Variants in TMEM230 observed in about 807,000 individuals in gnomAD.
TMEM230 encodes transmembrane protein 230.
A neutral mutation model predicts 15.8 loss-of-function variants in TMEM230; 10 were observed. The observed-to-expected ratio is 0.63, with a 90% CI of 0.39 to 1.07. The LOEUF (loss-of-function observed/expected upper bound fraction) is 1.07. TMEM230 is among the 50% of genes least tolerant of loss of function. The pLI is 0.01. For missense variants in TMEM230, 165 were observed against 193.3 expected (o/e 0.85, Z 0.87); for synonymous variants, 67 against 76.9 (o/e 0.87, Z 0.68).
the TMEM230 span, among the ~76,000 whole-genome samples, chr20:5,059,509 C>A: frequency 6.6e-6 from 1 of 152,138 alleles, no homozygotes; most frequent in Admixed American, 6.6e-5. Context: ...TCCCCAAAGC[C>A]CCTGTCTGTG....
In TMEM230 at chr20:5,087,224, C is replaced by T. The variant is rs192228788; in HGVS notation, c.223-17875G>A. ...GATGACAGGAAAACCCAAGACTGACCCTAGAAGACAGAGACACCATCACGG... is the reference window on the plus strand; with the variant it reads ...GATGACAGGAAAACCCAAGACTGACTCTAGAAGACAGAGACACCATCACGG... On this transcript the variant is annotated intron_variant, in intron 3 of 3. Transcript: ENST00000612323. Among the ~76,000 whole-genome samples, 283 of 152,202 alleles carry T rather than the reference C, an allele frequency of 1.9e-3. 2 individuals are homozygous for T. The highest frequency in any genetic ancestry group is 0.013 in the South Asian group (63 of 4,812).
Position 5,068,957 on chromosome 20 carries a change from G to A in TMEM230, c.*231C>T, listed in dbSNP as rs1324626695. On this transcript the variant is annotated 3_prime_UTR_variant, in exon 4 of 4. Transcript: ENST00000612323. Reference sequence around the variant, plus strand: ...GGTGGGGCCATGGGGAGTGGTCTGCGCCATTCTCACCATTCACAAGAGGAG... The same window carrying A: ...GGTGGGGCCATGGGGAGTGGTCTGCACCATTCTCACCATTCACAAGAGGAG... 44 of 484,108 alleles carry A rather than the reference G, an allele frequency of 9.1e-5. No individual in the cohort carries two copies. In the Admixed American group the frequency reaches 1.5e-3, roughly 16 times the overall value. 30.0% of individuals were successfully genotyped at this position (484,108 alleles called of 1,614,324 possible). A position where few individuals can be genotyped will look rare whatever the true frequency, so the allele number is the denominator to read the frequency against.
At chr20:5,085,935 A>ACCTCTCACAGGTGCT (rs2089323398) in intron 3 of TMEM230, among the ~76,000 whole-genome samples, 1 of 151,954 alleles carries the variant, frequency 6.6e-6, no homozygotes, top group African/African-American at 2.4e-5. Flanking sequence ...CTGCCGTGTC[A>ACCTCTCACAGGTGCT]CCTCTCACAG....
At chr20:5,109,284 T>C (rs1234830380) in intron 3 of TMEM230, 48 bp downstream of exon 2, 19 of 1,495,396 alleles carry the variant, frequency 1.3e-5, no homozygotes, top group Non-Finnish European at 1.8e-5. Flanking sequence ...CCTGCTAACT[T>C]AACAGAAACA....
intron 1 of TMEM230, 118 bp downstream of exon 1, chr20:5,112,843 G>C: frequency 6.5e-7 from 1 of 1,541,668 alleles, no homozygotes; most frequent in Middle Eastern, 1.7e-4. Context: ...TGTGCCAGGG[G>C]GGACGAATGC....
At chr20:5,075,650 G>A (rs933485691) in intron 3 of TMEM230, among the ~76,000 whole-genome samples, 8 of 151,980 alleles carry the variant, frequency 5.3e-5, no homozygotes, top group Admixed American at 1.3e-4. Context: ...TCTTGAACCC[G>A]TGAGGCAGAA....
chr20:5,096,089 C>T (rs1214277041), downstream of TMEM230, among the ~76,000 whole-genome samples: 3 of 152,236 alleles, frequency 2.0e-5, no homozygotes, highest in African/African-American at 7.2e-5. Flanking sequence ...GAGAGGAGCC[C>T]TGCCTGGGCT....
chr20:5,100,202 C>T lies in TMEM230; in HGVS notation c.*589G>A. On this transcript the variant is annotated 3_prime_UTR_variant, in exon 5 of 5. Transcript: ENST00000342308. ...GAACTGGATCAGAATGGTCCAAGGA[C>T]TGTTAAACAGAGGAAGTATTTACAT... is the stretch of plus-strand genomic sequence containing the variant. The T allele has an allele frequency of 1.0e-6, 1 of 985,466 alleles. No individual in the cohort carries two copies. The highest frequency in any genetic ancestry group is 1.2e-6 in the Non-Finnish European group (1 of 830,004). 61.0% of individuals were successfully genotyped at this position (985,466 alleles called of 1,614,324 possible).
Position 5,100,192 on chromosome 20 carries a change from G to A in TMEM230, c.*599C>T. On this transcript the variant is annotated 3_prime_UTR_variant, in exon 5 of 5. Transcript: ENST00000342308. ...ACCTACTGGTGAACTGGATCAGAAT[G>A]GTCCAAGGACTGTTAAACAGAGGAA... 1 of 985,376 alleles carries A rather than the reference G, an allele frequency of 1.0e-6. No homozygotes were observed. The allele number at this position is 985,376 out of a possible 1,614,324, so 61.0% of individuals were successfully genotyped here. A position where few individuals can be genotyped will look rare whatever the true frequency, so the allele number is the denominator to read the frequency against.
intron 3 of TMEM230, among the ~76,000 whole-genome samples, chr20:5,075,551 C>T (rs6076773): frequency 0.47 from 69,695 of 148,486 alleles, 17,666 homozygotes; most frequent in East Asian, 0.83. Flanking sequence ...ATGGTTAAAC[C>T]CCATCTCTAC....
chr20:5,073,764 C>G (rs1371013490), intron 3 of TMEM230, among the ~76,000 whole-genome samples: 3 of 152,204 alleles, frequency 2.0e-5, no homozygotes, highest in African/African-American at 7.2e-5. Flanking sequence ...CACATTGGCA[C>G]AAGAATTATT....
Position 5,100,364 on chromosome 20 carries a change from A to G in TMEM230, c.*427T>C. On this transcript the variant is annotated 3_prime_UTR_variant, in exon 5 of 5. Coordinates refer to ENST00000342308, the MANE Select transcript of TMEM230 (RefSeq NM_001009923.2). ...CCACTGGAACATGAAGGTAGGGATA[A>G]GTGTACAGGATAATATACTCAGATA... The G allele has an allele frequency of 4.1e-6, 4 of 985,272 alleles. No individual in the cohort carries two copies. The highest frequency in any genetic ancestry group is 4.8e-6 in the Non-Finnish European group (4 of 829,676). The allele number at this position is 985,272 out of a possible 1,614,324, so 61.0% of individuals were successfully genotyped here. A position where few individuals can be genotyped will look rare whatever the true frequency, so the allele number is the denominator to read the frequency against.
the TMEM230 span, among the ~76,000 whole-genome samples, chr20:5,059,283 C>A: frequency 6.6e-6 from 1 of 151,730 alleles, no homozygotes; most frequent in Non-Finnish European, 1.5e-5. Flanking sequence ...TACCCCAACC[C>A]CAGTTCTCCT....
chr20:5,100,973 T>TA (rs2122718294), intron 4 of TMEM230, 42 bp from the exon 4 acceptor site: 3 of 1,607,136 alleles, frequency 1.9e-6, no homozygotes, highest in Non-Finnish European at 2.5e-6. Context: ...CCGTAAGAGT[T>TA]ACACATTTTA....
At chr20:5,059,866 G>A in the TMEM230 span, among the ~76,000 whole-genome samples, 3 of 136,564 alleles carry the variant, frequency 2.2e-5, no homozygotes, top group Non-Finnish European at 3.0e-5. Flanking sequence ...TGCAACCTCC[G>A]CCTCCTAGTT....
intron 3 of TMEM230, among the ~76,000 whole-genome samples, chr20:5,094,561 G>C (rs969226399): frequency 5.9e-5 from 9 of 151,696 alleles, no homozygotes; most frequent in Non-Finnish European, 1.2e-4. Flanking sequence ...ACAAAAATTA[G>C]TCAGGCGTGG....
At chr20:5,090,857 G>A (rs1467403179) in intron 3 of TMEM230, among the ~76,000 whole-genome samples, 1 of 152,074 alleles carries the variant, frequency 6.6e-6, no homozygotes, top group Non-Finnish European at 1.5e-5. Context: ...GCCTAATACT[G>A]AACAATTGTG....
exon 4 of TMEM230, chr20:5,068,583 T>G (rs1410104512): frequency 6.6e-6 from 1 of 152,324 alleles, no homozygotes; most frequent in East Asian, 1.9e-4. Context: ...CAAGAACAGC[T>G]TGGGGGAAAC....
At chr20:5,084,201 T>C (rs1010603762) in intron 3 of TMEM230, among the ~76,000 whole-genome samples, 1 of 152,074 alleles carries the variant, frequency 6.6e-6, no homozygotes, top group Non-Finnish European at 1.5e-5. Context: ...TTATTCTTTT[T>C]ATGGCTGCAT....
Sources: gnomAD v4.1 joint callset for allele counts (sites outside exome capture counted in the v4.1 genomes callset) on GRCh38, gnomAD v4.1.1 for gene constraint, MANE v1.5 for transcripts, NCBI Gene and HGNC (gene_info 2026-07-23, HGNC 2026-07-21) for gene names.